Variants in ASXL3 observed in about 807,000 individuals in gnomAD.
ASXL3 encodes the protein putative Polycomb group protein ASXL3.
ASXL3 carries 34 observed loss-of-function variants against 170.6 expected under a neutral mutation model. That is an observed-to-expected ratio of 0.20 (90% CI 0.15 to 0.27). ASXL3 has a LOEUF of 0.27. Among genes scored for constraint, ASXL3 ranks in the 10% least tolerant of loss-of-function variants. The pLI is 1.00. For missense variants in ASXL3, 2,592 were observed against 2,695.3 expected (o/e 0.96, Z 0.85); for synonymous variants, 1,002 against 989.1 (o/e 1.01, Z -0.24).
intron 6 of ASXL3, among the ~76,000 whole-genome samples, chr18:33,671,420 C>T (rs2066340036): frequency 6.6e-6 from 1 of 152,088 alleles, no homozygotes; most frequent in Non-Finnish European, 1.5e-5. Context: ...CCGTGTCTGT[C>T]TTGTGTTGTC....
At chr18:33,590,912 C>T (rs1271327358) in intron 1 of ASXL3, among the ~76,000 whole-genome samples, 8 of 152,156 alleles carry the variant, frequency 5.3e-5, no homozygotes, top group East Asian at 1.9e-4. Flanking sequence ...TACATTTCTT[C>T]GTGAAGCTTC....
At chr18:33,688,053 T>G (rs1297047922) in intron 8 of ASXL3, among the ~76,000 whole-genome samples, 4 of 152,208 alleles carry the variant, frequency 2.6e-5, no homozygotes, top group Non-Finnish European at 4.4e-5. Context: ...AGCACTTGCC[T>G]CAGTGCATGG....
chr18:33,689,223 A>G (rs368913748), intron 8 of ASXL3, among the ~76,000 whole-genome samples: 2 of 152,096 alleles, frequency 1.3e-5, no homozygotes, highest in South Asian at 4.2e-4. Flanking sequence ...TGAACTCCTG[A>G]CCTCAGGTGA....
intron 1 of ASXL3, among the ~76,000 whole-genome samples, chr18:33,587,610 A>C (rs1387544350): frequency 6.6e-6 from 1 of 152,172 alleles, no homozygotes; most frequent in African/African-American, 2.4e-5. Flanking sequence ...AAATAAAAGG[A>C]TGAATAGATG....
chr18:33,730,212 C>T (rs899082640), intron 8 of ASXL3, among the ~76,000 whole-genome samples: 2 of 152,060 alleles, frequency 1.3e-5, no homozygotes, highest in African/African-American at 4.8e-5. Flanking sequence ...TGGTGCCAAA[C>T]ATCCGACATT....
chr18:33,630,048 C>G (rs2065654907), intron 2 of ASXL3, among the ~76,000 whole-genome samples: 1 of 151,928 alleles, frequency 6.6e-6, no homozygotes, highest in Non-Finnish European at 1.5e-5. Context: ...TTAGGTTTCT[C>G]ATGAATCATA....
intron 5 of ASXL3, among the ~76,000 whole-genome samples, chr18:33,668,878 A>G (rs2066298790): frequency 6.8e-6 from 1 of 146,342 alleles, no homozygotes. Flanking sequence ...AATATTTTCT[A>G]AAATAAACTC....
rs752977390 is a variant in ASXL3, at chr18:33,745,901, C to T, written c.6053C>T (p.Pro2018Leu). 55 of 1,608,628 alleles carry T rather than the reference C, an allele frequency of 3.4e-5. No homozygotes were observed. Among genetic ancestry groups the T allele is most frequent in the African/African-American group, 1.2e-4 (9 of 74,386 alleles). The stretch of plus-strand genomic sequence containing the variant: ...CCAAACAAAGCACTAGTACATCCGC[C>T]GCCGCCACCGCCTCCCCCTCCCCCT... ...TMPNKALVHP[P>L]PPPPPPPPPP... is the part of the protein sequence containing the mutation. Residue 2018 changes from proline to leucine, a missense_variant, in exon 12 of 12, where the codon CCG becomes CTG. Physicochemically the swap from Pro to Leu is moderately conservative, Grantham distance 98. Around this residue, in one of 4 missense-constraint regions of ASXL3, gnomAD observed 2,246 missense variants for 2,219.6 expected, o/e 1.01. Coordinates refer to ENST00000269197, the MANE Select transcript of ASXL3 (RefSeq NM_030632.3).
rs746830380 is a variant in ASXL3 at position 33,738,539 on chromosome 18, G to A, written c.1135G>A (p.Ala379Thr). 19 of 1,613,554 alleles carry A rather than the reference G, an allele frequency of 1.2e-5. No individual in the cohort carries two copies. The African/African-American group carries it at 2.0e-4, about 17-fold the overall frequency. The change falls in exon 11 of 12, where the codon GCT becomes ACT. Residue 379 changes from alanine (A) to threonine (T), a missense_variant. By Grantham distance (58) the Ala-to-Thr change is moderately conservative. Coordinates refer to ENST00000269197, the MANE Select transcript of ASXL3 (RefSeq NM_030632.3). ...SVKLTTGPNN[A>T]GAQSSSSCGT... ...GAAGCTCACTACTGGACCAAACAACGCTGGAGCTCAAAGTAGTTCTTCATG... is the reference window on the plus strand; with the variant it reads ...GAAGCTCACTACTGGACCAAACAACACTGGAGCTCAAAGTAGTTCTTCATG...
In ASXL3 at chr18:33,744,360, A is replaced by G; in HGVS notation, c.4512A>G (p.Pro1504=). 6.2e-7 allele frequency: 1 copy of G among 1,613,980 alleles called. No individual in the cohort carries two copies. Among genetic ancestry groups the G allele is most frequent in the East Asian group, 2.2e-5 (1 of 44,870 alleles). The change falls in exon 12 of 12, where the codon CCA becomes CCG. Residue 1504 remains proline, a synonymous_variant. Transcript: ENST00000269197. The part of the protein sequence containing the change: ...SEASLDLQGR[P]VRTEASVQPV... ...CCAGCTTGGACCTGCAGGGCAGACC[A>G]GTGAGGACAGAGGCATCCGTACAGC...
intron 8 of ASXL3, among the ~76,000 whole-genome samples, chr18:33,724,997 G>T (rs1199068031): frequency 2.0e-5 from 3 of 151,918 alleles, no homozygotes; most frequent in African/African-American, 7.3e-5. Flanking sequence ...CATGTCTATA[G>T]AGTCTCCTGG....
intron 1 of ASXL3, among the ~76,000 whole-genome samples, chr18:33,583,326 T>C (rs1047498571): frequency 2.6e-5 from 4 of 152,196 alleles, no homozygotes; most frequent in African/African-American, 9.6e-5. Context: ...ACTGACAATG[T>C]AGTTGGATCA....
intron 8 of ASXL3, among the ~76,000 whole-genome samples, chr18:33,686,897 G>C (rs1599494416): frequency 1.3e-5 from 2 of 152,156 alleles, no homozygotes. Context: ...TTTGGGAGCA[G>C]GTATCTCTGT....
intron 8 of ASXL3, among the ~76,000 whole-genome samples, chr18:33,705,187 A>G (rs957302811): frequency 1.3e-5 from 2 of 151,394 alleles, no homozygotes; most frequent in East Asian, 1.9e-4. Context: ...TAAAATATGC[A>G]TGCATAAAAT....
chr18:33,722,501 G>A (rs1041956278), intron 8 of ASXL3, among the ~76,000 whole-genome samples: 11 of 152,254 alleles, frequency 7.2e-5, no homozygotes, highest in Non-Finnish European at 1.6e-4. Flanking sequence ...TTAAGCCAGA[G>A]CCTACTATAG....
intron 2 of ASXL3, among the ~76,000 whole-genome samples, chr18:33,625,104 A>C (rs2065580490): frequency 1.3e-5 from 2 of 152,096 alleles, no homozygotes; most frequent in East Asian, 3.9e-4. Context: ...AACTTCCCCC[A>C]AGAAATATGG....
intron 8 of ASXL3, among the ~76,000 whole-genome samples, chr18:33,702,292 CTT>C (rs1413718505): frequency 1.1e-4 from 16 of 152,190 alleles, no homozygotes; most frequent in Admixed American, 7.2e-4. Context: ...CTCTCTCTCT[CTT>C]ACTCTTTTTT....
intron 11 of ASXL3, among the ~76,000 whole-genome samples, chr18:33,742,454 G>A (rs2067679763): frequency 6.6e-6 from 1 of 152,124 alleles, no homozygotes; most frequent in Non-Finnish European, 1.5e-5. Context: ...CTCAGTCAGG[G>A]CTTTTTTCTT....
chr18:33,597,109 C>CT (rs751088119), intron 1 of ASXL3, among the ~76,000 whole-genome samples: 1 of 152,174 alleles, frequency 6.6e-6, no homozygotes, highest in South Asian at 2.1e-4. Flanking sequence ...CCCACTGCGC[C>CT]TAGCCTTGAG....
Sources: allele counts gnomAD v4.1 joint callset (sites outside exome capture counted in the v4.1 genomes callset), GRCh38; gene constraint gnomAD v4.1.1; regional missense constraint gnomAD v4.1.1; transcripts MANE v1.5; gene names NCBI Gene and HGNC (gene_info 2026-07-23, HGNC 2026-07-21).